Variants in FSTL4 observed in about 807,000 individuals in gnomAD.
The protein encoded by FSTL4 is follistatin like 4, also known as follistatin-related protein 4.
A neutral mutation model predicts 78.2 loss-of-function variants in FSTL4; 28 were observed. That is an observed-to-expected ratio of 0.36 (90% CI 0.27 to 0.49). FSTL4 has a LOEUF of 0.49. Ranked by LOEUF, FSTL4 falls within the 20% of genes least tolerant of loss-of-function variation. The pLI is 0.98. For synonymous variants in FSTL4, 422 were observed against 440.5 expected (o/e 0.96, Z 0.53); for missense variants, 922 against 1,084.9 (o/e 0.85, Z 2.11).
At chr5:133,332,807 C>A (rs1037735799) in intron 4 of FSTL4, among the ~76,000 whole-genome samples, 2 of 152,236 alleles carry the variant, frequency 1.3e-5, no homozygotes, top group African/African-American at 4.8e-5. Flanking sequence ...GCCAATCACA[C>A]TCTCACCTCC....
chr5:133,355,679 C>G (rs1754925047), intron 4 of FSTL4, among the ~76,000 whole-genome samples: 1 of 152,088 alleles, frequency 6.6e-6, no homozygotes, highest in South Asian at 2.1e-4. Flanking sequence ...CAAACAAAAA[C>G]AAAAAGAACA....
chr5:133,558,529 C>T (rs2112935197), intron 3 of FSTL4, among the ~76,000 whole-genome samples: 1 of 152,278 alleles, frequency 6.6e-6, no homozygotes, highest in African/African-American at 2.4e-5. Flanking sequence ...TCACTGTCTC[C>T]ATGGAGCCAG....
intron 14 of FSTL4, chr5:133,208,033 T>C (rs570334967): frequency 4.9e-4 from 74 of 152,354 alleles, no homozygotes; most frequent in African/African-American, 1.7e-3. Flanking sequence ...CTCATTCAAA[T>C]GTCCTCACCT....
At chr5:133,634,114 G>A in the FSTL4 span, among the ~76,000 whole-genome samples, 1 of 152,086 alleles carries the variant, frequency 6.6e-6, no homozygotes, top group African/African-American at 2.4e-5. Flanking sequence ...AAGAGAAAGG[G>A]TGCCTTCTTC....
chr5:133,740,370 A>G, the FSTL4 span, among the ~76,000 whole-genome samples: 1 of 152,108 alleles, frequency 6.6e-6, no homozygotes, highest in Admixed American at 6.5e-5. Context: ...ATCCAGGCCC[A>G]TTTTGTTAAT....
the FSTL4 span, among the ~76,000 whole-genome samples, chr5:133,746,335 G>C: frequency 6.6e-6 from 1 of 152,128 alleles, no homozygotes; most frequent in Non-Finnish European, 1.5e-5. Context: ...ATAAACAAAA[G>C]TTCATGAAAC....
intron 6 of FSTL4, among the ~76,000 whole-genome samples, chr5:133,298,661 T>C (rs1287970702): frequency 6.6e-6 from 1 of 152,260 alleles, no homozygotes; most frequent in Non-Finnish European, 1.5e-5. Flanking sequence ...AAAGACCATG[T>C]CTGTCACATC....
the FSTL4 span, among the ~76,000 whole-genome samples, chr5:133,689,740 G>T: frequency 6.6e-6 from 1 of 152,106 alleles, no homozygotes; most frequent in East Asian, 1.9e-4. Flanking sequence ...CAGACTAGTG[G>T]TCTCAGCACT....
In FSTL4 at chr5:133,196,702, A is replaced by G. The variant is rs1748303724; in HGVS notation, c.*2393T>C. 6.6e-6 allele frequency: 1 copy of G among 152,160 alleles called. No individual in the cohort carries two copies. Among genetic ancestry groups the G allele is most frequent in the African/African-American group, 2.4e-5 (1 of 41,414 alleles). The allele number at this position is 152,160 out of a possible 1,614,324, so 9.4% of individuals were successfully genotyped here. On this transcript the variant is annotated 3_prime_UTR_variant, in exon 16 of 16. Coordinates refer to ENST00000265342, the MANE Select transcript of FSTL4 (RefSeq NM_015082.2). ...CCTCTGCTGGGGTGAAGTATGGGAGAAAGGGCAGGCCAGTCTGGCCTTCCT... is the reference window on the plus strand; with the variant it reads ...CCTCTGCTGGGGTGAAGTATGGGAGGAAGGGCAGGCCAGTCTGGCCTTCCT...
Position 133,275,437 on chromosome 5 carries a change from G to A in FSTL4, c.728-25861C>T, listed in dbSNP as rs922802195. On this transcript the variant is annotated intron_variant, in intron 6 of 15. Coordinates refer to ENST00000265342, the MANE Select transcript of FSTL4 (RefSeq NM_015082.2). ...TAGCCAGGCGTGGTGGCGGGTGCCTGTAGTCCCAGCTACTTGGGAGGCTGA... is the reference window on the plus strand; with the variant it reads ...TAGCCAGGCGTGGTGGCGGGTGCCTATAGTCCCAGCTACTTGGGAGGCTGA... Among the ~76,000 whole-genome samples the A allele has an allele frequency of 8.5e-5, 13 of 152,056 alleles. 1 individual carries two copies. Among genetic ancestry groups the A allele is most frequent in the Admixed American group, 6.6e-4 (10 of 15,258 alleles).
At chr5:133,476,881 A>G (rs1034986877) in intron 3 of FSTL4, among the ~76,000 whole-genome samples, 4 of 152,194 alleles carry the variant, frequency 2.6e-5, no homozygotes, top group African/African-American at 7.2e-5. Context: ...CTTCACCTGA[A>G]GAAGGATCAA....
intron 7 of FSTL4, among the ~76,000 whole-genome samples, chr5:133,246,326 T>A (rs546150327): frequency 5.3e-5 from 8 of 152,236 alleles, no homozygotes; most frequent in Non-Finnish European, 1.0e-4. Flanking sequence ...TCTCCCCTAA[T>A]TCTTGCTTCA....
At chr5:133,597,218 G>C (rs973702369) in intron 2 of FSTL4, among the ~76,000 whole-genome samples, 1 of 152,196 alleles carries the variant, frequency 6.6e-6, no homozygotes, top group Non-Finnish European at 1.5e-5. Context: ...AATGGCTCTG[G>C]CTTGGCAGGC....
chr5:133,318,468 C>T (rs1235858869), intron 4 of FSTL4, among the ~76,000 whole-genome samples: 1 of 152,140 alleles, frequency 6.6e-6, no homozygotes, highest in Admixed American at 6.5e-5. Flanking sequence ...GAAATTTTGT[C>T]CTGGCAAATA....
At chr5:133,333,451 T>A (rs929339573) in intron 4 of FSTL4, among the ~76,000 whole-genome samples, 19 of 152,180 alleles carry the variant, frequency 1.2e-4, no homozygotes, top group African/African-American at 4.6e-4. Flanking sequence ...AGGACAGGAA[T>A]CTCTATAGCA....
the FSTL4 span, among the ~76,000 whole-genome samples, chr5:133,643,192 TA>T: frequency 7.2e-5 from 11 of 152,332 alleles, no homozygotes; most frequent in Admixed American, 5.9e-4. Flanking sequence ...AAGTATTTTA[TA>T]TAGGCATTGA....
At chr5:133,761,306 A>G in the FSTL4 span, among the ~76,000 whole-genome samples, 11 of 152,164 alleles carry the variant, frequency 7.2e-5, no homozygotes, top group Non-Finnish European at 2.9e-5. Context: ...CTCTGCTGTT[A>G]CTGTGAAAAA....
At chr5:133,552,567 C>A (rs79174820) in intron 3 of FSTL4, among the ~76,000 whole-genome samples, 87 of 152,268 alleles carry the variant, frequency 5.7e-4, no homozygotes, top group African/African-American at 2.0e-3. Context: ...GCAACTCATT[C>A]ATATTGAAAT....
At chr5:133,671,324 A>ACGG in the FSTL4 span, among the ~76,000 whole-genome samples, 3 of 152,144 alleles carry the variant, frequency 2.0e-5, no homozygotes, top group African/African-American at 7.2e-5. Flanking sequence ...CAAGTTTGGT[A>ACGG]TGGTTTGCTA....
Sources: gnomAD v4.1 joint callset for allele counts (sites outside exome capture counted in the v4.1 genomes callset) on GRCh38, gnomAD v4.1.1 for gene constraint, MANE v1.5 for transcripts, NCBI Gene and HGNC (gene_info 2026-07-23, HGNC 2026-07-21) for gene names.